Variants in TACC2 observed in about 807,000 individuals in gnomAD.
TACC2 encodes transforming acidic coiled-coil-containing protein 2.
In TACC2, 137 loss-of-function variants were observed where a neutral mutation model predicts 227.3. The observed-to-expected ratio is 0.60, with a 90% CI of 0.52 to 0.69. TACC2 has a LOEUF of 0.69. Among genes scored for constraint, TACC2 ranks in the 30% least tolerant of loss-of-function variants. The pLI is 0.00. For missense variants in TACC2, 3,470 were observed against 3,694.4 expected, an observed-to-expected ratio of 0.94 and a Z score of 1.57; for synonymous variants, 1,523 against 1,487.5, an observed-to-expected ratio of 1.02 and a Z score of -0.55.
chr10:122,095,266 G>C (rs1050798595), intron 5 of TACC2, among the ~76,000 whole-genome samples: 2 of 152,218 alleles, frequency 1.3e-5, no homozygotes, highest in African/African-American at 4.8e-5. Flanking sequence ...CTGAGGTCTA[G>C]GGTGTGACAA....
At chr10:122,125,639 A>G (rs2086690865) in intron 5 of TACC2, among the ~76,000 whole-genome samples, 1 of 152,248 alleles carries the variant, frequency 6.6e-6, no homozygotes, top group Non-Finnish European at 1.5e-5. Context: ...CCCAGGGCAC[A>G]GAGCATGGAA....
Position 122,053,817 on chromosome 10 carries a change from C to A in TACC2, c.146+3267C>A, listed in dbSNP as rs371258448. The stretch of plus-strand genomic sequence containing the variant: ...GGCCTCATTGGACAACCAGCATTTT[C>A]TCTTCAAAGGATGTAAGTTTTTACA... On this transcript the variant is annotated intron_variant, in intron 3 of 22. Transcript: ENST00000369005. Among the ~76,000 whole-genome samples the A allele has an allele frequency of 1.2e-4, 18 of 152,292 alleles. No individual in the cohort carries two copies. The East Asian group carries it at 2.5e-3, about 21-fold the overall frequency.
rs192908348 is a variant in TACC2 at position 122,077,758 on chromosome 10, C to T, written c.147-4889C>T. 5.9e-5 allele frequency among the ~76,000 whole-genome samples: 9 copies of T among 152,322 alleles called. No individual in the cohort carries two copies. In the East Asian group the frequency reaches 9.7e-4, roughly 16 times the overall value. On this transcript the variant is annotated intron_variant, in intron 3 of 22. Transcript: ENST00000369005. The stretch of plus-strand genomic sequence containing the variant: ...GCCAGTACAAGGCAACGGGAGGCAG[C>T]GCCACAGGGCTCAATCTTGCTTTGC...
At position 122,050,043 on chromosome 10, in the gene TACC2, C is replaced by T. The variant is rs6585781; in HGVS notation, c.34-395C>T. Among the ~76,000 whole-genome samples the T allele has an allele frequency of 6.6e-5, 10 of 152,060 alleles. No individual in the cohort carries two copies. The highest frequency in any genetic ancestry group is 1.2e-4 in the Non-Finnish European group (8 of 68,018). ...TGGTATGTGAAGCCATCGGTGGTGG[C>T]GGGAGGAAAATGTGTTTTCATCTCA... On this transcript the variant is annotated intron_variant, in intron 2 of 22. Transcript: ENST00000369005. This position sits in a 1 kb window ranked among gnomAD's most constrained non-coding sequence, Gnocchi z 4.6.
At chr10:122,163,621 C>G (rs74870492) in intron 7 of TACC2, 1 of 1,023,768 alleles carries the variant, frequency 9.8e-7, no homozygotes, top group Non-Finnish European at 1.2e-6. Context: ...CCTTTCGGAC[C>G]ACACCGGCGC....
rs1276858649 is a variant in TACC2 at position 122,194,562 on chromosome 10, G to A, written c.5835-478G>A. Reference sequence around the variant, plus strand: ...GCTGCCCTCCTGTGTTTTGAGCTCCGTAGAAGAGAAAGACAGTAAACACTA... The same window carrying A: ...GCTGCCCTCCTGTGTTTTGAGCTCCATAGAAGAGAAAGACAGTAAACACTA... On this transcript the variant is annotated intron_variant, in intron 7 of 22. Coordinates refer to ENST00000369005, the MANE Select transcript of TACC2 (RefSeq NM_206862.4). The surrounding 1 kb of genome is among the most constrained non-coding windows in gnomAD (Gnocchi z 4.4). Among the ~76,000 whole-genome samples, 1 of 152,140 alleles carries A rather than the reference G, an allele frequency of 6.6e-6. No homozygotes were observed.
intron 5 of TACC2, among the ~76,000 whole-genome samples, chr10:122,120,395 A>G (rs2138377180): frequency 6.6e-6 from 1 of 152,268 alleles, no homozygotes; most frequent in Admixed American, 6.5e-5. Flanking sequence ...TAGGTGGAAG[A>G]GGCACCCGCA....
intron 1 of TACC2, chr10:121,994,779 G>A (rs1268655150): frequency 6.6e-6 from 1 of 152,196 alleles, no homozygotes; most frequent in East Asian, 1.9e-4. Context: ...TTTGACTACT[G>A]AGATTAGAGG....
At position 122,086,290 on chromosome 10, in the gene TACC2, C is replaced by G; in HGVS notation, c.3790C>G (p.Pro1264Ala). The G allele has an allele frequency of 6.2e-7, 1 of 1,614,008 alleles. No homozygotes were observed. The highest frequency in any genetic ancestry group is 8.5e-7 in the Non-Finnish European group (1 of 1,180,042). ...TGTTTCCTCTGCAGACCCCAGAGCT[C>G]CTGGCGAAAGCCCCTGTCCTGTAGG... ...KAVSSADPRA[P>A]GESPCPVGEP... The change falls in exon 4 of 23, where the codon CCT (proline) becomes GCT (alanine). Residue 1264 changes from proline to alanine, a missense_variant. Transcript: ENST00000369005.
At chr10:122,176,073 T>TTCTCTCTCTCTC (rs55655832) in intron 7 of TACC2, among the ~76,000 whole-genome samples, 6 of 92,766 alleles carry the variant, frequency 6.5e-5, no homozygotes, top group Admixed American at 2.8e-4. Flanking sequence ...GAGCAAAACC[T>TTCTCTCTCTCTC]TCTCTCTCTC....
At chr10:122,100,426 CTTT>C (rs1219805294) in intron 5 of TACC2, among the ~76,000 whole-genome samples, 334 of 141,236 alleles carry the variant, frequency 2.4e-3, no homozygotes, top group African/African-American at 8.3e-3. Flanking sequence ...TCTTCTCTTC[CTTT>C]TTTTTTTTTT....
rs191057773 is a variant in TACC2 at position 122,067,126 on chromosome 10, C to G, written c.147-15521C>G. Among the ~76,000 whole-genome samples, 48 of 152,270 alleles carry G rather than the reference C, an allele frequency of 3.2e-4. 1 individual carries two copies. The East Asian group carries it at 8.7e-3, about 28-fold the overall frequency. ...TATTTACTTGCATAGTTACCATTTT[C>G]TGGGTGTTCTTTATTCTGTTGTGTA... is the stretch of plus-strand genomic sequence containing the variant. On this transcript the variant is annotated intron_variant, in intron 3 of 22. Coordinates refer to ENST00000369005, the MANE Select transcript of TACC2 (RefSeq NM_206862.4).
intron 2 of TACC2, among the ~76,000 whole-genome samples, chr10:122,031,331 C>A (rs1208565958): frequency 6.6e-6 from 1 of 151,940 alleles, no homozygotes; most frequent in Non-Finnish European, 1.5e-5. Flanking sequence ...GTGCCCCCAG[C>A]CTGGTGGAAA....
rs115077750 is a variant in TACC2, at chr10:122,050,506, G to A, written c.102G>A (p.Lys34=). 6 of 1,614,146 alleles carry A rather than the reference G, an allele frequency of 3.7e-6. No individual in the cohort carries two copies. In the African/African-American group the frequency reaches 6.7e-5, roughly 18 times the overall value. ...PPGNSQNIKR[K]QQDTPGSPDH... ...GGAACAGTCAGAATATAAAAAGGAAGCAGCAGGACACGCCCGGAAGCCCTG... is the reference window on the plus strand; with the variant it reads ...GGAACAGTCAGAATATAAAAAGGAAACAGCAGGACACGCCCGGAAGCCCTG... The change falls in exon 3 of 23, where the codon AAG becomes AAA. Residue 34 remains lysine (K), a synonymous_variant. Coordinates refer to ENST00000369005, the MANE Select transcript of TACC2 (RefSeq NM_206862.4). The surrounding 1 kb of genome is among the most constrained non-coding windows in gnomAD (Gnocchi z 4.6).
Position 122,229,194 on chromosome 10 carries a change from T to A in TACC2, c.7897-152T>A. 5 of 862,652 alleles carry A rather than the reference T, an allele frequency of 5.8e-6. No individual in the cohort carries two copies. The South Asian group carries it at 8.2e-5, about 14-fold the overall frequency. The allele number at this position is 862,652 out of a possible 1,614,324, so 53.4% of individuals were successfully genotyped here. On this transcript the variant is annotated intron_variant, in intron 14 of 22. Transcript: ENST00000369005. Reference sequence around the variant, plus strand: ...GTCAGCATGTGGGAATTAGTCTAGATGAAACCACAAGTAATGGCAGCTAAT... The same window carrying A: ...GTCAGCATGTGGGAATTAGTCTAGAAGAAACCACAAGTAATGGCAGCTAAT...
chr10:122,108,937 G>A (rs552353854), intron 5 of TACC2, among the ~76,000 whole-genome samples: 5 of 151,654 alleles, frequency 3.3e-5, no homozygotes, highest in African/African-American at 9.7e-5. Context: ...GTTTCACCAC[G>A]TTGGCCAGGT....
chr10:121,991,142 G>C (rs1489147148), intron 1 of TACC2, among the ~76,000 whole-genome samples: 1 of 152,174 alleles, frequency 6.6e-6, no homozygotes, highest in Non-Finnish European at 1.5e-5. Flanking sequence ...GTCTCTTAAA[G>C]GAAAGGAGTT....
intron 1 of TACC2, among the ~76,000 whole-genome samples, chr10:122,006,451 A>T (rs200398602): frequency 6.7e-6 from 1 of 149,242 alleles, no homozygotes; most frequent in Admixed American, 6.7e-5. Flanking sequence ...TCAGTCTCAA[A>T]AAATAAATAA....
At chr10:122,089,236 T>C (rs548443587) in intron 5 of TACC2, among the ~76,000 whole-genome samples, 1 of 152,316 alleles carries the variant, frequency 6.6e-6, no homozygotes, top group South Asian at 2.1e-4. Context: ...TTCAGGTTAT[T>C]TTCATCCCCA....
Sources: gnomAD v4.1 joint callset for allele counts (sites outside exome capture counted in the v4.1 genomes callset) on GRCh38, gnomAD v4.1.1 for gene constraint, Gnocchi (gnomAD v3.1) non-coding constraint, MANE v1.5 for transcripts, NCBI Gene and HGNC (gene_info 2026-07-23, HGNC 2026-07-21) for gene names.